Variants in EP300 observed in about 807,000 individuals in gnomAD.
The protein encoded by EP300 is EP300 lysine acetyltransferase.
In EP300, 31 loss-of-function variants were observed where a neutral mutation model predicts 264.0. That is an observed-to-expected ratio of 0.12 (90% CI 0.09 to 0.16). EP300 has a LOEUF of 0.16. Ranked by LOEUF, EP300 falls within the 10% of genes least tolerant of loss-of-function variation. The pLI is 1.00. For synonymous variants in EP300, 1,340 were observed against 1,045.4 expected (o/e 1.28, Z -5.44); for missense variants, 2,766 against 3,052.9 (o/e 0.91, Z 2.21).
At position 41,177,108 on chromosome 22, in the gene EP300, C is replaced by G; in HGVS notation, c.5397C>G (p.Asn1799Lys). ...ACCATGCCAAGCACTGCCAGGAGAA[C>G]AAATGCCCGGTGCCGTTCTGCCTAA... ...CCYHAKHCQE[N>K]KCPVPFCLNI... Residue 1799 changes from asparagine to lysine, a missense_variant, in exon 31 of 31, where the codon AAC becomes AAG. Physicochemically the swap from Asn to Lys is moderately conservative, Grantham distance 94. Transcript: ENST00000263253. 6.2e-7 allele frequency: 1 copy of G among 1,614,154 alleles called. No homozygotes were observed.
chr22:41,140,348 C>CTTCAGACGGGG, intron 9 of EP300, 91 bp downstream of exon 9: 2 of 888,420 alleles, frequency 2.3e-6, no homozygotes, highest in Admixed American at 3.4e-5. Context: ...AGTACATATG[C>CTTCAGACGGGG]TTCAGACGGG....
intron 2 of EP300, among the ~76,000 whole-genome samples, chr22:41,125,171 T>C (rs2058874215): frequency 7.2e-6 from 1 of 139,692 alleles, no homozygotes; most frequent in African/African-American, 2.7e-5. Context: ...CAGGCTGGAG[T>C]GCAGCGGCGT....
intron 23 of EP300, among the ~76,000 whole-genome samples, chr22:41,167,780 T>C (rs901482952): frequency 2.9e-5 from 4 of 138,014 alleles, no homozygotes; most frequent in Non-Finnish European, 6.2e-5. Context: ...GTGAGCCTTG[T>C]CTCCTGGCCA....
At chr22:41,143,993 C>T (rs1241362685) in intron 10 of EP300, among the ~76,000 whole-genome samples, 2 of 152,080 alleles carry the variant, frequency 1.3e-5, no homozygotes, top group African/African-American at 2.4e-5. Flanking sequence ...ACTTATGTAA[C>T]GTGTACCATC....
intron 9 of EP300, 91 bp downstream of exon 9, chr22:41,140,348 C>G (rs1419914058): frequency 7.9e-6 from 7 of 888,302 alleles, no homozygotes; most frequent in African/African-American, 1.6e-5. Flanking sequence ...AGTACATATG[C>G]TTCAGACGGG....
At chr22:41,168,311 ACTT>A in intron 23 of EP300, 135 bp from the exon 24 acceptor site, 1 of 917,946 alleles carries the variant, frequency 1.1e-6, no homozygotes, top group Admixed American at 1.9e-5. Flanking sequence ...AGTAGTGACT[ACTT>A]TGCTATGATT....
chr22:41,099,286 G>A (rs1158767996), intron 1 of EP300, among the ~76,000 whole-genome samples: 1 of 151,844 alleles, frequency 6.6e-6, no homozygotes, highest in Non-Finnish European at 1.5e-5. Context: ...ACCCACCTCG[G>A]CCTCCCAAAA....
chr22:41,165,948 C>G (rs1302005186), intron 22 of EP300, among the ~76,000 whole-genome samples: 1 of 151,196 alleles, frequency 6.6e-6, no homozygotes, highest in African/African-American at 2.4e-5. Context: ...CCATGTCTGA[C>G]CAATTCTTGT....
chr22:41,125,880 A>G lies in EP300; in HGVS notation c.746A>G (p.Asn249Ser), dbSNP rs200732771. Residue 249 changes from asparagine (N) to serine (S), a missense_variant, in exon 3 of 31, where the codon AAC becomes AGC. Coordinates refer to ENST00000263253, the MANE Select transcript of EP300 (RefSeq NM_001429.4). ...PQPLKMGMMN[N>S]PNPYGSPYTQ... is the part of the protein sequence containing the mutation. ...TACTCTTAGATGGGAATGATGAACA[A>G]CCCCAATCCTTATGGTTCACCATAT... 1.7e-5 allele frequency: 27 copies of G among 1,614,032 alleles called. No individual in the cohort carries two copies. Among genetic ancestry groups the G allele is most frequent in the Non-Finnish European group, 2.2e-5 (26 of 1,179,978 alleles).
intron 11 of EP300, among the ~76,000 whole-genome samples, chr22:41,147,400 A>G (rs897764562): frequency 6.6e-6 from 1 of 152,120 alleles, no homozygotes; most frequent in African/African-American, 2.4e-5. Flanking sequence ...TGAATGAGAC[A>G]GATTTATTTA....
At chr22:41,101,386 T>G (rs1302533303) in intron 1 of EP300, among the ~76,000 whole-genome samples, 1 of 151,592 alleles carries the variant, frequency 6.6e-6, no homozygotes, top group African/African-American at 2.4e-5. Context: ...AGCATAATTT[T>G]TTCTATTTTT....
intron 1 of EP300, among the ~76,000 whole-genome samples, chr22:41,101,391 A>T (rs1016921940): frequency 4.1e-5 from 6 of 144,882 alleles, no homozygotes; most frequent in African/African-American, 1.3e-4. Flanking sequence ...AATTTTTTCT[A>T]TTTTTCATTT....
intron 2 of EP300, among the ~76,000 whole-genome samples, chr22:41,123,090 CAG>C (rs1346997479): frequency 6.6e-6 from 1 of 152,106 alleles, no homozygotes; most frequent in Non-Finnish European, 1.5e-5. Context: ...CTGTCCAAAA[CAG>C]ATGCTTCACA....
At chr22:41,113,165 C>CCCCG (rs1555905090) in intron 1 of EP300, among the ~76,000 whole-genome samples, 1 of 143,418 alleles carries the variant, frequency 7.0e-6, no homozygotes, top group Admixed American at 7.2e-5. Context: ...CCACCCCCCC[C>CCCCG]CCAACTTATG....
chr22:41,112,389 T>G (rs5995996), intron 1 of EP300, among the ~76,000 whole-genome samples: 93,822 of 151,366 alleles, frequency 0.62, 29,486 homozygotes, highest in East Asian at 0.81. Context: ...AGTAGAGATG[T>G]GGTTTCGCTA....
intron 2 of EP300, among the ~76,000 whole-genome samples, chr22:41,122,667 A>AT (rs927898372): frequency 7.9e-5 from 12 of 151,794 alleles, no homozygotes; most frequent in Non-Finnish European, 1.3e-4. Context: ...ATTAATTTAC[A>AT]TTTTTTTGTT....
At chr22:41,144,079 G>A (rs771307047) in intron 10 of EP300, among the ~76,000 whole-genome samples, 1 of 152,134 alleles carries the variant, frequency 6.6e-6, no homozygotes, top group South Asian at 2.1e-4. Context: ...GCAAAGATAC[G>A]AAGTTTCAGG....
intron 1 of EP300, among the ~76,000 whole-genome samples, chr22:41,109,324 T>G (rs1034512763): frequency 5.3e-5 from 8 of 150,558 alleles, no homozygotes; most frequent in Non-Finnish European, 1.2e-4. Flanking sequence ...TTGGCTTCAG[T>G]AAATGAAAAC....
At chr22:41,158,848 T>C (rs887695652) in intron 19 of EP300, 1 of 267,200 alleles carries the variant, frequency 3.7e-6, no homozygotes, top group East Asian at 8.5e-5. Flanking sequence ...TTTTAAACTT[T>C]TAACTGAAAC....
Sources: gnomAD v4.1 joint callset for allele counts (sites outside exome capture counted in the v4.1 genomes callset) on GRCh38, gnomAD v4.1.1 for gene constraint, MANE v1.5 for transcripts, NCBI Gene and HGNC (gene_info 2026-07-23, HGNC 2026-07-21) for gene names.